Variants in TTLL6 observed in about 807,000 individuals in gnomAD.
TTLL6 encodes tubulin tyrosine ligase like 6.
A neutral mutation model predicts 96.4 loss-of-function variants in TTLL6; 75 were observed. The observed-to-expected ratio is 0.78, with a 90% confidence interval of 0.65 to 0.94. TTLL6 has a LOEUF of 0.94. Among genes scored for constraint, TTLL6 ranks in the 40% least tolerant of loss-of-function variants. The pLI, the probability that TTLL6 is intolerant of heterozygous loss-of-function variation, is 0.00. For synonymous variants in TTLL6, 411 were observed against 419.4 expected (o/e 0.98, Z 0.24); for missense variants, 1,030 against 1,093.0 (o/e 0.94, Z 0.81).
Position 48,791,596 on chromosome 17 carries a change from A to T in TTLL6, c.1006T>A (p.Ser336Thr). ...DAHSGSKRKL[S>T]TFSAYLEDHS... The stretch of plus-strand genomic sequence containing the variant: ...TCCTCCAAGTATGCACTGAAGGTGG[A>T]GAGCTTCCTGGAAGGGAACCACAGG... Residue 336 changes from serine to threonine, a missense_variant, in exon 9 of 16, where the codon TCC (serine) becomes ACC (threonine). By Grantham distance (58) the Ser-to-Thr change is moderately conservative. Coordinates refer to ENST00000393382, the MANE Select transcript of TTLL6 (RefSeq NM_001130918.3). 1 of 1,608,944 alleles carries T rather than the reference A, an allele frequency of 6.2e-7. No individual in the cohort carries two copies. The highest frequency in any genetic ancestry group is 8.5e-7 in the Non-Finnish European group (1 of 1,176,006).
chr17:48,794,141 A>G (rs2039278052), intron 8 of TTLL6: 1 of 1,608,790 alleles, frequency 6.2e-7, no homozygotes, highest in African/African-American at 1.3e-5. Context: ...AGGGAGATGA[A>G]CAGAGGAAGA....
intron 8 of TTLL6, among the ~76,000 whole-genome samples, chr17:48,791,879 G>A (rs2039232172): frequency 6.6e-6 from 1 of 152,192 alleles, no homozygotes; most frequent in Non-Finnish European, 1.5e-5. Flanking sequence ...CTGTGACCCA[G>A]AAAACATCTA....
intron 13 of TTLL6, among the ~76,000 whole-genome samples, chr17:48,777,755 A>G (rs1351368277): frequency 6.6e-6 from 1 of 151,100 alleles, no homozygotes; most frequent in African/African-American, 2.4e-5. Flanking sequence ...ATACAAAAAT[A>G]CAAAAATTAG....
intron 1 of TTLL6, among the ~76,000 whole-genome samples, chr17:48,811,992 C>T (rs920553742): frequency 1.3e-4 from 19 of 151,880 alleles, no homozygotes; most frequent in African/African-American, 2.4e-4. Flanking sequence ...TGAGCCACCA[C>T]GCCCAGCCAG....
intron 1 of TTLL6, among the ~76,000 whole-genome samples, chr17:48,814,665 G>A (rs2039642131): frequency 6.6e-6 from 1 of 152,164 alleles, no homozygotes; most frequent in Non-Finnish European, 1.5e-5. Context: ...CGGGTTATTT[G>A]GAAAAAACTC....
intron 3 of TTLL6, 43 bp downstream of exon 3, chr17:48,803,848 C>G (rs1192569230): frequency 1.3e-6 from 2 of 1,549,046 alleles, no homozygotes; most frequent in South Asian, 2.4e-5. Context: ...TTGGGAGAAT[C>G]CAGTGGGTCC....
chr17:48,799,995 G>A, intron 5 of TTLL6: 1 of 518,158 alleles, frequency 1.9e-6, no homozygotes. Context: ...TACCAGTGGT[G>A]CAACCCTTTG....
intron 1 of TTLL6, among the ~76,000 whole-genome samples, chr17:48,816,332 T>C (rs1381072119): frequency 6.7e-6 from 1 of 148,620 alleles, no homozygotes; most frequent in Non-Finnish European, 1.5e-5. Context: ...AAGATTGGCA[T>C]AAATATTAAA....
chr17:48,817,121 G>T lies in TTLL6; in HGVS notation c.-49C>A, dbSNP rs1223303028. The T allele has an allele frequency of 6.9e-7, 1 of 1,442,882 alleles. No individual in the cohort carries two copies. Among genetic ancestry groups the T allele is most frequent in the South Asian group, 1.3e-5 (1 of 79,302 alleles). The allele number at this position is 1,442,882 out of a possible 1,614,324, so 89.4% of individuals were successfully genotyped here. ...CAACCCGCGCTCGCCCTAACTTTGG[G>T]TCCGCCCGGCCCTCATATTTGCATA... On this transcript the variant is annotated 5_prime_UTR_variant, in exon 1 of 16. Transcript: ENST00000393382.
intron 1 of TTLL6, among the ~76,000 whole-genome samples, chr17:48,810,316 T>C (rs923474070): frequency 3.3e-5 from 5 of 152,078 alleles, no homozygotes; most frequent in African/African-American, 9.7e-5. Context: ...GCCTATGACA[T>C]AAGAGCCATC....
At chr17:48,811,276 G>A (rs1296704094) in intron 1 of TTLL6, among the ~76,000 whole-genome samples, 2 of 151,684 alleles carry the variant, frequency 1.3e-5, no homozygotes, top group Non-Finnish European at 2.9e-5. Context: ...TATCATATTG[G>A]TCAGGCTGGT....
At position 48,797,175 on chromosome 17, in the gene TTLL6, G is replaced by A. The variant is rs1443290419; in HGVS notation, c.798C>T (p.Asp266=). 11 of 1,551,472 alleles carry A rather than the reference G, an allele frequency of 7.1e-6. No individual in the cohort carries two copies. Among genetic ancestry groups the A allele is most frequent in the Non-Finnish European group, 9.6e-6 (11 of 1,146,910 alleles). The change falls in exon 7 of 16, where the codon GAC becomes GAT. Residue 266 remains aspartate, a synonymous_variant. Coordinates refer to ENST00000393382, the MANE Select transcript of TTLL6 (RefSeq NM_001130918.3). ...ATGTCACCAGTACATAAATCCGTAG[G>A]TCAAACTTAAACCCATCAATGATAA... is the stretch of plus-strand genomic sequence containing the variant. ...KPFIIDGFKF[D]LRIYVLVTSC... is the part of the protein sequence containing the mutation.
intron 2 of TTLL6, 137 bp from the exon 3 acceptor site, chr17:48,804,065 C>T (rs2039467583): frequency 3.1e-6 from 3 of 980,862 alleles, no homozygotes; most frequent in Admixed American, 2.1e-5. Context: ...TTTGACCGTC[C>T]CTGTTGCTGA....
At chr17:48,815,560 G>A (rs2039656893) in intron 1 of TTLL6, among the ~76,000 whole-genome samples, 1 of 152,182 alleles carries the variant, frequency 6.6e-6, no homozygotes, top group Non-Finnish European at 1.5e-5. Context: ...ACCACTAGGA[G>A]GATAAAAGCT....
intron 1 of TTLL6, among the ~76,000 whole-genome samples, chr17:48,814,384 C>T (rs781093088): frequency 6.9e-6 from 1 of 145,924 alleles, no homozygotes; most frequent in Non-Finnish European, 1.5e-5. Context: ...CAGTAAATAG[C>T]AAAATAGCAT....
At chr17:48,811,479 C>A (rs1274179210) in intron 1 of TTLL6, among the ~76,000 whole-genome samples, 1 of 152,076 alleles carries the variant, frequency 6.6e-6, no homozygotes, top group Non-Finnish European at 1.5e-5. Context: ...GATCCTCCTG[C>A]CTCAACCTTG....
At chr17:48,776,927 A>G (rs1010247153) in intron 13 of TTLL6, among the ~76,000 whole-genome samples, 1 of 151,924 alleles carries the variant, frequency 6.6e-6, no homozygotes, top group Non-Finnish European at 1.5e-5. Flanking sequence ...AAGAACAGCA[A>G]AAGTGGAGGA....
chr17:48,764,778 A>T (rs77526981), intron 15 of TTLL6, among the ~76,000 whole-genome samples: 2 of 152,182 alleles, frequency 1.3e-5, no homozygotes, highest in South Asian at 2.1e-4. Flanking sequence ...TGGTCCGATT[A>T]GTTTGGAGAG....
Position 48,817,150 on chromosome 17 carries a change from G to T in TTLL6, c.-78C>A, listed in dbSNP as rs2039680105. On this transcript the variant is annotated 5_prime_UTR_variant, in exon 1 of 16. Coordinates refer to ENST00000393382, the MANE Select transcript of TTLL6 (RefSeq NM_001130918.3). Reference sequence around the variant, plus strand: ...GCCCGGCCCTCATATTTGCATACGGGGCCTTCTAGGCCTTCGATTGGCCCC... The same window carrying T: ...GCCCGGCCCTCATATTTGCATACGGTGCCTTCTAGGCCTTCGATTGGCCCC... 3.0e-6 allele frequency: 3 copies of T among 1,001,878 alleles called. No homozygotes were observed. The highest frequency in any genetic ancestry group is 4.3e-6 in the Non-Finnish European group (3 of 702,478). 62.1% of individuals were successfully genotyped at this position (1,001,878 alleles called of 1,614,324 possible).
Sources: allele counts gnomAD v4.1 joint callset (sites outside exome capture counted in the v4.1 genomes callset), GRCh38; gene constraint gnomAD v4.1.1; transcripts MANE v1.5; gene names NCBI Gene and HGNC (gene_info 2026-07-23, HGNC 2026-07-21).